Variants in PUF60 observed in about 807,000 individuals in gnomAD.
PUF60 encodes poly(U) binding splicing factor 60, also known as poly(U)-binding-splicing factor PUF60.
In PUF60, 10 loss-of-function variants were observed where a neutral mutation model predicts 61.8. The observed-to-expected ratio is 0.16, with a 90% CI of 0.10 to 0.27. The LOEUF is 0.27. Ranked by LOEUF, PUF60 falls within the 10% of genes least tolerant of loss-of-function variation. The pLI is 1.00. For missense variants in PUF60, 371 were observed against 754.0 expected (o/e 0.49, Z 5.95); for synonymous variants, 353 against 300.9 (o/e 1.17, Z -1.79).
Position 143,822,463 on chromosome 8 carries a change from G to A in PUF60, c.112-550C>T, listed in dbSNP as rs756827288. 2.5e-4 allele frequency: 114 copies of A among 456,198 alleles called. 1 individual carries two copies. In the Middle Eastern group the frequency reaches 3.9e-3, roughly 16 times the overall value. The allele number at this position is 456,198 out of a possible 1,614,324, so 28.3% of individuals were successfully genotyped here. ...CTCTCCCAACAGTGCTCCCCCCACC[G>A]TCCCCGCAGGCACTGTGCACACCTC... On this transcript the variant is annotated intron_variant, in intron 2 of 11. Coordinates refer to ENST00000526683, the MANE Select transcript of PUF60 (RefSeq NM_078480.3).
At chr8:143,827,553 C>T (rs1439446192) in intron 1 of PUF60, 1 of 430,026 alleles carries the variant, frequency 2.3e-6, no homozygotes, top group South Asian at 1.6e-5. Context: ...CAGCATGAGA[C>T]AGGGGACAGG....
chr8:143,826,122 T>C (rs761401667), intron 1 of PUF60, among the ~76,000 whole-genome samples: 1 of 152,148 alleles, frequency 6.6e-6, no homozygotes, highest in Non-Finnish European at 1.5e-5. Flanking sequence ...TTTAGGCAAT[T>C]AAAATGGCGT....
In PUF60 at chr8:143,821,801, G is replaced by A. The variant is rs748911576; in HGVS notation, c.207+17C>T. On this transcript the variant is annotated intron_variant, in intron 3 of 11. Transcript: ENST00000526683. ...GACTGTCCCACACCTGCAGTGCCCT[G>A]GGAGGTCCATGCTCACCTTCTGAAG... The A allele has an allele frequency of 3.4e-5, 54 of 1,605,016 alleles. No individual in the cohort carries two copies. The highest frequency in any genetic ancestry group is 5.5e-5 in the South Asian group (5 of 90,396).
rs1167211769 is a variant in PUF60 at position 143,818,750 on chromosome 8, C to T, written c.349-216G>A. On this transcript the variant is annotated intron_variant, in intron 5 of 11. Coordinates refer to ENST00000526683, the MANE Select transcript of PUF60 (RefSeq NM_078480.3). The surrounding 1 kb of genome is among the most constrained non-coding windows in gnomAD (Gnocchi z 7.9). ...GGCCAGGCCCAGCGGCAGGACAGGA[C>T]GCACCCCAGCCCGCCAAGGTCCCAG... The T allele has an allele frequency of 5.1e-6, 3 of 591,742 alleles. No individual in the cohort carries two copies. Among genetic ancestry groups the T allele is most frequent in the South Asian group, 2.3e-5 (1 of 44,168 alleles). The allele number at this position is 591,742 out of a possible 1,614,324, so 36.7% of individuals were successfully genotyped here. A position where few individuals can be genotyped will look rare whatever the true frequency, so the allele number is the denominator to read the frequency against.
At position 143,821,857 on chromosome 8, in the gene PUF60, C is replaced by T; in HGVS notation, c.168G>A (p.Leu56=). The change falls in exon 3 of 12, where the codon CTG becomes CTA. Residue 56 remains leucine (L), a synonymous_variant. Transcript: ENST00000526683. ...NGQSTAAKLG[L]PPLTPEQQEA... is the part of the protein sequence containing the mutation. ...CCTGCTGCTCGGGCGTCAGGGGAGG[C>T]AGCCCCAGCTTGGCGGCTGTGCTCT... is the stretch of plus-strand genomic sequence containing the variant. The T allele has an allele frequency of 6.2e-7, 1 of 1,610,874 alleles. No individual in the cohort carries two copies.
chr8:143,820,496 T>TGG (rs1816889858), intron 5 of PUF60, 170 bp downstream of exon 5: 1 of 733,532 alleles, frequency 1.4e-6, no homozygotes, highest in African/African-American at 1.8e-5. Context: ...CGGTCCCGGG[T>TGG]GGGTGCCCAC....
At chr8:143,820,318 G>A (rs1346049049) in intron 5 of PUF60, 1 of 343,248 alleles carries the variant, frequency 2.9e-6, no homozygotes, top group East Asian at 6.4e-5. Context: ...AGGCAGCCTG[G>A]AGACTGACGG....
At chr8:143,820,873 G>T (rs939248412) in intron 4 of PUF60, among the ~76,000 whole-genome samples, 157 bp from the exon 5 acceptor site, 4 of 152,220 alleles carry the variant, frequency 2.6e-5, no homozygotes, top group African/African-American at 9.6e-5. Flanking sequence ...CCTGCCCAGG[G>T]GGGCCGCAGC....
At chr8:143,820,772 T>A in intron 4 of PUF60, 56 bp from the exon 5 acceptor site, 1 of 1,509,390 alleles carries the variant, frequency 6.6e-7, no homozygotes, top group South Asian at 1.1e-5. Flanking sequence ...TCTCCCGCTC[T>A]CGTCAACACC....
At chr8:143,827,473 G>T (rs115530122) in intron 1 of PUF60, 147 of 456,100 alleles carry the variant, frequency 3.2e-4, no homozygotes, top group African/African-American at 2.7e-3. Flanking sequence ...GCATCTTCTG[G>T]CTTCCTTCCC....
At chr8:143,827,737 T>C (rs139646602) in intron 1 of PUF60, among the ~76,000 whole-genome samples, 151 of 152,292 alleles carry the variant, frequency 9.9e-4, no homozygotes, top group African/African-American at 3.5e-3. Flanking sequence ...CCAACAGAAT[T>C]TGGATGGCAA....
chr8:143,818,058 G>A lies in PUF60; in HGVS notation c.621C>T (p.Asn207=). 6.2e-7 allele frequency: 1 copy of A among 1,612,466 alleles called. No individual in the cohort carries two copies. Among genetic ancestry groups the A allele is most frequent in the Non-Finnish European group, 8.5e-7 (1 of 1,179,772 alleles). Residue 207 remains asparagine (N), a synonymous_variant, in exon 8 of 12, where the codon AAC becomes AAT. Coordinates refer to ENST00000526683, the MANE Select transcript of PUF60 (RefSeq NM_078480.3). This position sits in a 1 kb window ranked among gnomAD's most constrained non-coding sequence, Gnocchi z 7.9. The stretch of plus-strand genomic sequence containing the variant: ...CTATGATGGGCTGGGCCTGCCCTAT[G>A]TTGCTGGGTCTGCCCACCTGGGGAA... ...GRNIKVGRPS[N]IGQAQPIIDQ...
chr8:143,829,168 C>T, intron 1 of PUF60, 112 bp downstream of exon 1: 8 of 1,222,322 alleles, frequency 6.5e-6, no homozygotes, highest in Non-Finnish European at 8.2e-6. Context: ...GGAGTCCGCG[C>T]GGGACCTGGG....
chr8:143,827,258 G>C, intron 1 of PUF60: 1 of 410,370 alleles, frequency 2.4e-6, no homozygotes, highest in Non-Finnish European at 4.9e-6. Flanking sequence ...GACATTGCAG[G>C]CTGGGGCCTA....
chr8:143,821,255 C>T lies in PUF60; in HGVS notation c.297+342G>A, dbSNP rs896074240. 18 of 498,856 alleles carry T rather than the reference C, an allele frequency of 3.6e-5. No individual in the cohort carries two copies. The South Asian group carries it at 4.1e-4, about 11-fold the overall frequency. 30.9% of individuals were successfully genotyped at this position (498,856 alleles called of 1,614,324 possible). On this transcript the variant is annotated intron_variant, in intron 4 of 11. Coordinates refer to ENST00000526683, the MANE Select transcript of PUF60 (RefSeq NM_078480.3). ...CCACGGGGGCAGGGAGGCCCACGCC[C>T]TGCATGCTGCCACCATCGGCTGTGC...
Position 143,817,546 on chromosome 8 carries a change from G to A in PUF60, c.1008+46C>T. 6.2e-7 allele frequency: 1 copy of A among 1,608,448 alleles called. No individual in the cohort carries two copies. The highest frequency in any genetic ancestry group is 1.3e-5 in the African/African-American group (1 of 74,960). ...CTTGAATCAGTCTCCAAGGAATCAGGGGCCAGCCCGCCCACCCTCAAGCCG... is the reference window on the plus strand; with the variant it reads ...CTTGAATCAGTCTCCAAGGAATCAGAGGCCAGCCCGCCCACCCTCAAGCCG... On this transcript the variant is annotated intron_variant, in intron 9 of 11. Coordinates refer to ENST00000526683, the MANE Select transcript of PUF60 (RefSeq NM_078480.3). The surrounding 1 kb of genome is among the most constrained non-coding windows in gnomAD (Gnocchi z 7.4).
chr8:143,827,883 T>C (rs1002811256), intron 1 of PUF60, among the ~76,000 whole-genome samples: 1 of 152,170 alleles, frequency 6.6e-6, no homozygotes, highest in Admixed American at 6.5e-5. Flanking sequence ...AGGGCGCTGT[T>C]CTGCGGGTGC....
At chr8:143,823,772 G>T (rs1386558637) in intron 2 of PUF60, among the ~76,000 whole-genome samples, 1 of 152,228 alleles carries the variant, frequency 6.6e-6, no homozygotes, top group African/African-American at 2.4e-5. Context: ...CCAAGGCTGG[G>T]CCATCGAACA....
intron 5 of PUF60, among the ~76,000 whole-genome samples, chr8:143,819,486 A>C (rs1419728641): frequency 6.6e-6 from 1 of 152,104 alleles, no homozygotes; most frequent in African/African-American, 2.4e-5. Flanking sequence ...GCCCCTCTCC[A>C]CAAAAGGCCT....
Sources: allele counts gnomAD v4.1 joint callset (sites outside exome capture counted in the v4.1 genomes callset), GRCh38; gene constraint gnomAD v4.1.1; non-coding constraint Gnocchi (gnomAD v3.1); transcripts MANE v1.5; gene names NCBI Gene and HGNC (gene_info 2026-07-23, HGNC 2026-07-21).